Variants in CLSTN2 observed in about 807,000 individuals in gnomAD.
The protein encoded by CLSTN2 is calsyntenin-2.
In CLSTN2, 48 loss-of-function variants were observed where a neutral mutation model predicts 101.2. That is an observed-to-expected ratio of 0.47 (90% confidence interval 0.38 to 0.60). The LOEUF (loss-of-function observed/expected upper bound fraction) is 0.60. Among genes scored for constraint, CLSTN2 ranks in the 20% least tolerant of loss-of-function variants. CLSTN2 has a pLI of 0.00. For synonymous variants in CLSTN2, 481 were observed against 463.6 expected, an observed-to-expected ratio of 1.04 and a Z score of -0.48; for missense variants, 1,160 against 1,238.2, an observed-to-expected ratio of 0.94 and a Z score of 0.95.
intron 2 of CLSTN2, among the ~76,000 whole-genome samples, chr3:140,358,745 C>G (rs2087698959): frequency 6.6e-6 from 1 of 152,120 alleles, no homozygotes; most frequent in South Asian, 2.1e-4. Flanking sequence ...AATCCCCCAA[C>G]TCCCTTATTT....
intron 1 of CLSTN2, among the ~76,000 whole-genome samples, chr3:139,952,958 C>T (rs959311039): frequency 1.3e-5 from 2 of 152,080 alleles, no homozygotes; most frequent in Non-Finnish European, 2.9e-5. Context: ...CTGAAACGGC[C>T]CCATATTCTA....
At chr3:140,531,400 A>T (rs1159958524) in intron 8 of CLSTN2, among the ~76,000 whole-genome samples, 1 of 152,232 alleles carries the variant, frequency 6.6e-6, no homozygotes, top group Non-Finnish European at 1.5e-5. Context: ...TTCATGAGAA[A>T]CAGCATATTT....
intron 1 of CLSTN2, among the ~76,000 whole-genome samples, chr3:139,960,447 G>C (rs1334445190): frequency 6.6e-6 from 1 of 152,018 alleles, no homozygotes; most frequent in Non-Finnish European, 1.5e-5. Context: ...AAAAGCTTTG[G>C]TGGCTTCCTA....
chr3:140,284,250 T>A (rs6439913), intron 2 of CLSTN2, among the ~76,000 whole-genome samples: 133,835 of 151,890 alleles, frequency 0.88, 60,367 homozygotes, highest in Non-Finnish European at 0.97. Flanking sequence ...TTATTTTTTT[T>A]AAAAAATACA....
At chr3:140,263,044 TC>T (rs1205975542) in intron 2 of CLSTN2, among the ~76,000 whole-genome samples, 17 of 147,032 alleles carry the variant, frequency 1.2e-4, no homozygotes, top group Admixed American at 4.8e-4. Context: ...GTTCCCCACA[TC>T]CCCCCCAAAA....
At chr3:140,023,015 C>T (rs17398740) in intron 1 of CLSTN2, among the ~76,000 whole-genome samples, 2 of 152,186 alleles carry the variant, frequency 1.3e-5, no homozygotes, top group African/African-American at 2.4e-5. Context: ...AGGGCTTCAA[C>T]GTTCCTCTGC....
chr3:140,388,932 T>C (rs894414223), intron 2 of CLSTN2, among the ~76,000 whole-genome samples: 3 of 151,796 alleles, frequency 2.0e-5, no homozygotes, highest in East Asian at 3.8e-4. Flanking sequence ...TGTTAACTTT[T>C]GGCAAACTGT....
intron 8 of CLSTN2, among the ~76,000 whole-genome samples, chr3:140,494,008 A>T (rs1413798261): frequency 6.6e-6 from 1 of 152,164 alleles, no homozygotes; most frequent in Non-Finnish European, 1.5e-5. Flanking sequence ...TTGAAAACCC[A>T]CAGAAGGATT....
chr3:140,415,486 C>CAAAAAAAAAAAAAG (rs2088419263), intron 4 of CLSTN2, among the ~76,000 whole-genome samples: 1 of 56,868 alleles, frequency 1.8e-5, no homozygotes, highest in African/African-American at 7.7e-5. Context: ...CACAAAATAG[C>CAAAAAAAAAAAAAG]AAAAAAAAAA....
intron 1 of CLSTN2, among the ~76,000 whole-genome samples, chr3:140,141,986 A>G (rs1384979684): frequency 3.9e-5 from 6 of 152,226 alleles, no homozygotes. Context: ...AATAAGCAAA[A>G]AAATGGAACT....
chr3:140,273,816 G>T (rs1430612155), intron 2 of CLSTN2, among the ~76,000 whole-genome samples: 1 of 152,140 alleles, frequency 6.6e-6, no homozygotes, highest in East Asian at 1.9e-4. Flanking sequence ...TCATAGGAAG[G>T]CACTTTGTAG....
chr3:140,418,442 T>C (rs1367282228), intron 4 of CLSTN2, among the ~76,000 whole-genome samples: 1 of 152,106 alleles, frequency 6.6e-6, no homozygotes, highest in Non-Finnish European at 1.5e-5. Context: ...TGGATGAAGC[T>C]GTATTGTTAG....
At chr3:140,276,701 G>A (rs576434026) in intron 2 of CLSTN2, among the ~76,000 whole-genome samples, 1 of 152,258 alleles carries the variant, frequency 6.6e-6, no homozygotes, top group South Asian at 2.1e-4. Flanking sequence ...TGATTATTTA[G>A]CATCAAAAGT....
At chr3:140,357,835 C>T (rs2087689909) in intron 2 of CLSTN2, among the ~76,000 whole-genome samples, 1 of 152,180 alleles carries the variant, frequency 6.6e-6, no homozygotes, top group Non-Finnish European at 1.5e-5. Context: ...AGCTCCAATG[C>T]TGAGCTGACC....
At chr3:140,292,285 G>C (rs1218709061) in intron 2 of CLSTN2, among the ~76,000 whole-genome samples, 1 of 152,152 alleles carries the variant, frequency 6.6e-6, no homozygotes, top group Non-Finnish European at 1.5e-5. Flanking sequence ...TCTTCCCATG[G>C]CTGTCAGCCG....
intron 1 of CLSTN2, among the ~76,000 whole-genome samples, chr3:140,096,965 G>T (rs1387419343): frequency 6.6e-6 from 1 of 152,130 alleles, no homozygotes; most frequent in African/African-American, 2.4e-5. Context: ...CTCTGAGTGG[G>T]CAAATTCCTG....
At chr3:140,531,843 C>G (rs1935261678) in intron 8 of CLSTN2, among the ~76,000 whole-genome samples, 1 of 152,166 alleles carries the variant, frequency 6.6e-6, no homozygotes, top group South Asian at 2.1e-4. Flanking sequence ...TTTCCCAGAA[C>G]AGAGGGTTTG....
intron 1 of CLSTN2, among the ~76,000 whole-genome samples, chr3:140,054,672 G>A (rs887312038): frequency 5.9e-5 from 9 of 152,180 alleles, no homozygotes; most frequent in Non-Finnish European, 1.3e-4. Context: ...AGTGGGCCAT[G>A]TATAGGACAA....
At chr3:140,511,580 C>T (rs1277944550) in intron 8 of CLSTN2, among the ~76,000 whole-genome samples, 2 of 130,732 alleles carry the variant, frequency 1.5e-5, no homozygotes, top group African/African-American at 5.9e-5. Flanking sequence ...GACAGAGCCT[C>T]ACTCTGTCAC....
Sources: allele counts gnomAD v4.1 joint callset (sites outside exome capture counted in the v4.1 genomes callset), GRCh38; gene constraint gnomAD v4.1.1; transcripts MANE v1.5; gene names NCBI Gene and HGNC (gene_info 2026-07-23, HGNC 2026-07-21).